Variants in RP1 observed in about 807,000 individuals in gnomAD.
RP1 encodes oxygen-regulated protein 1.
In RP1, 16 loss-of-function variants were observed where a neutral mutation model predicts 14.8. The ratio of observed to expected loss-of-function variants is 1.08; its 90% CI spans 0.73 to 1.65. The LOEUF is 1.65. RP1 is among the 40% of genes most tolerant of loss of function. The probability of loss-of-function intolerance (pLI) is 0.00; values close to 1 mark genes in which losing one functional copy is unlikely to be tolerated. For synonymous variants in RP1, 876 were observed against 883.6 expected, an observed-to-expected ratio of 0.99 and a Z score of 0.15; for missense variants, 2,631 against 2,535.0, an observed-to-expected ratio of 1.04 and a Z score of -0.81.
chr8:54,663,336 T>G (rs1351164292), intron 6 of RP1, among the ~76,000 whole-genome samples: 1 of 152,012 alleles, frequency 6.6e-6, no homozygotes, highest in Non-Finnish European at 1.5e-5. Context: ...TTCCTTTAAG[T>G]GAAAAGGTGA....
At chr8:54,807,469 T>G (rs1563382099) in intron 24 of RP1, among the ~76,000 whole-genome samples, 1 of 152,164 alleles carries the variant, frequency 6.6e-6, no homozygotes, top group Non-Finnish European at 1.5e-5. Context: ...AAATGCATGC[T>G]GTATTCAATG....
rs995747467 is a variant in RP1, at chr8:54,808,258, T to A, written c.3615+24548T>A. ...TTACCCTCAGTAAACTGGAGTCCAC[T>A]GCATGGAGGCCCACTGCCCTCTAAC... On this transcript the variant is annotated intron_variant, in intron 24 of 28. Coordinates refer to the RP1 transcript ENST00000637698. Among the ~76,000 whole-genome samples, 24 of 152,196 alleles carry A rather than the reference T, an allele frequency of 1.6e-4. 1 individual carries two copies. The highest frequency in any genetic ancestry group is 5.8e-4 in the African/African-American group (24 of 41,462).
chr8:54,722,214 A>G lies in RP1; in HGVS notation c.2389+1908A>G, dbSNP rs565499842. Among the ~76,000 whole-genome samples the G allele has an allele frequency of 2.0e-5, 3 of 151,992 alleles. No individual in the cohort carries two copies. The South Asian group carries it at 6.3e-4, about 32-fold the overall frequency. Reference sequence around the variant, plus strand: ...TCCCCTGCACTCTAGCTCCAAAAAAAAAAAAAAAGTTTATAGTAATTCTCC... The same window carrying G: ...TCCCCTGCACTCTAGCTCCAAAAAAGAAAAAAAAGTTTATAGTAATTCTCC... On this transcript the variant is annotated intron_variant, in intron 16 of 22. Coordinates refer to the RP1 transcript ENST00000636932.
At chr8:54,662,684 A>G (rs973498999) in intron 6 of RP1, among the ~76,000 whole-genome samples, 5 of 152,108 alleles carry the variant, frequency 3.3e-5, no homozygotes, top group Non-Finnish European at 2.9e-5. Flanking sequence ...AGGTCCCAGT[A>G]CCTATTTCCA....
intron 19 of RP1, among the ~76,000 whole-genome samples, chr8:54,742,320 AGCAAAAT>A (rs1200562181): frequency 1.3e-5 from 2 of 152,248 alleles, no homozygotes; most frequent in African/African-American, 4.8e-5. Context: ...GATAGAGTCT[AGCAAAAT>A]GTTTCTTTCT....
intron 6 of RP1, among the ~76,000 whole-genome samples, chr8:54,659,723 A>G (rs777478287): frequency 6.6e-6 from 1 of 152,190 alleles, no homozygotes; most frequent in African/African-American, 2.4e-5. Flanking sequence ...GGCAATCTAC[A>G]TGAATTTTTG....
chr8:54,736,126 C>T (rs1158122756), intron 18 of RP1, among the ~76,000 whole-genome samples: 1 of 152,146 alleles, frequency 6.6e-6, no homozygotes, highest in Non-Finnish European at 1.5e-5. Flanking sequence ...GACTGCAAAT[C>T]GGATGAGCTA....
At chr8:54,731,979 A>C (rs1808805936) in intron 17 of RP1, among the ~76,000 whole-genome samples, 1 of 152,108 alleles carries the variant, frequency 6.6e-6, no homozygotes, top group Admixed American at 6.6e-5. Context: ...CATACTTTAA[A>C]ATTGTGACTG....
Position 54,656,021 on chromosome 8 carries a change from CTTAT to C in RP1, c.1039-59_1039-56del, listed in dbSNP as rs1421009591. On this transcript the variant is annotated intron_variant, in intron 5 of 22. Transcript: ENST00000636932. ...GCTAAGTGGCAGTCTTGAACAAAAA[CTTAT>C]TTGACACTTTGATAAAGCATTCCTA... is the stretch of plus-strand genomic sequence containing the variant. 5 of 1,272,182 alleles carry C rather than the reference CTTAT, an allele frequency of 3.9e-6. No homozygotes were observed. In the African/African-American group the frequency reaches 7.6e-5, roughly 19 times the overall value. The allele number at this position is 1,272,182 out of a possible 1,614,324, so 78.8% of individuals were successfully genotyped here. A position where few individuals can be genotyped will look rare whatever the true frequency, so the allele number is the denominator to read the frequency against.
intron 24 of RP1, among the ~76,000 whole-genome samples, chr8:54,804,522 T>C (rs1314557164): frequency 6.6e-6 from 1 of 151,536 alleles, no homozygotes; most frequent in African/African-American, 2.4e-5. Context: ...CCACTTAATT[T>C]TTTTTCAGTG....
intron 19 of RP1, among the ~76,000 whole-genome samples, chr8:54,744,744 A>G (rs1809184108): frequency 6.6e-6 from 1 of 152,176 alleles, no homozygotes; most frequent in African/African-American, 2.4e-5. Flanking sequence ...ATACGGTACA[A>G]AATTTTATTC....
At chr8:54,782,196 T>C (rs2129380228) in intron 23 of RP1, among the ~76,000 whole-genome samples, 1 of 152,338 alleles carries the variant, frequency 6.6e-6, no homozygotes, top group African/African-American at 2.4e-5. Flanking sequence ...TGAACTGTAG[T>C]TCCTGAAAGC....
rs116620615 is a variant in RP1 at position 54,789,609 on chromosome 8, G to A, written c.3615+5899G>A. Among the ~76,000 whole-genome samples, 454 of 152,296 alleles carry A rather than the reference G, an allele frequency of 3.0e-3. 3 individuals carry two copies. Among genetic ancestry groups the A allele is most frequent in the African/African-American group, 0.01 (424 of 41,570 alleles). On this transcript the variant is annotated intron_variant, in intron 24 of 28. Coordinates refer to the RP1 transcript ENST00000637698. ...GTCTATGGCCCCTTTCAGCTGTGAA[G>A]TTTAGCTTACAGCCCCACCTGACAA... is the stretch of plus-strand genomic sequence containing the variant.
At chr8:54,702,373 G>C (rs1172668428) in intron 14 of RP1, among the ~76,000 whole-genome samples, 2 of 152,154 alleles carry the variant, frequency 1.3e-5, no homozygotes, top group Non-Finnish European at 2.9e-5. Flanking sequence ...AATAAAGCTA[G>C]TCACACAAAT....
chr8:54,798,940 T>C (rs1199093730), intron 24 of RP1, among the ~76,000 whole-genome samples: 1 of 152,044 alleles, frequency 6.6e-6, no homozygotes, highest in African/African-American at 2.4e-5. Context: ...TCTTTTTCTA[T>C]AGAACTATGA....
chr8:54,755,667 A>C, exon 21 of RP1: 2 of 1,536,058 alleles, frequency 1.3e-6, no homozygotes, highest in Non-Finnish European at 1.7e-6. Context: ...AAGCATGCAG[A>C]GACGGAGTCT....
chr8:54,672,120 A>G (rs1465695668), intron 7 of RP1, among the ~76,000 whole-genome samples: 2 of 152,108 alleles, frequency 1.3e-5, no homozygotes, highest in Non-Finnish European at 2.9e-5. Context: ...AGAGCCCACA[A>G]TCTCCTGCTT....
chr8:54,630,680 A>T lies in RP1; in HGVS notation c.*327A>T, dbSNP rs1285083727. On this transcript the variant is annotated 3_prime_UTR_variant, in exon 4 of 4. Coordinates refer to ENST00000220676, the MANE Select transcript of RP1 (RefSeq NM_006269.2). ...TAAGGACAAGAATTATATCCTTTTT[A>T]AAAAATGTTGTTAGCTTGGTGTAAA... 6 of 1,105,970 alleles carry T rather than the reference A, an allele frequency of 5.4e-6. No homozygotes were observed. Among genetic ancestry groups the T allele is most frequent in the African/African-American group, 5.1e-5 (3 of 59,102 alleles). 68.5% of individuals were successfully genotyped at this position (1,105,970 alleles called of 1,614,324 possible). A position where few individuals can be genotyped will look rare whatever the true frequency, so the allele number is the denominator to read the frequency against.
intron 12 of RP1, chr8:54,697,093 C>G: frequency 6.4e-7 from 1 of 1,568,892 alleles, no homozygotes; most frequent in Non-Finnish European, 8.6e-7. Context: ...GCACACCTGG[C>G]TATCGGGGTG....
Sources: gnomAD v4.1 joint callset for allele counts (sites outside exome capture counted in the v4.1 genomes callset) on GRCh38, gnomAD v4.1.1 for gene constraint, MANE v1.5 for transcripts, NCBI Gene and HGNC (gene_info 2026-07-23, HGNC 2026-07-21) for gene names.